Variants in CECR2 observed in about 807,000 individuals in gnomAD.
The protein encoded by CECR2 is CECR2 histone acetyl-lysine reader, also known as chromatin remodeling regulator CECR2.
Under a neutral mutation model 154.5 loss-of-function variants are expected in CECR2, and 30 were observed. That is an observed-to-expected ratio of 0.19 (90% CI 0.15 to 0.26). The LOEUF is 0.26. Among genes scored for constraint, CECR2 ranks in the 10% least tolerant of loss-of-function variants. CECR2 has a pLI of 1.00. For missense variants in CECR2, 1,743 were observed against 1,829.3 expected (o/e 0.95, Z 0.86); for synonymous variants, 725 against 683.7 (o/e 1.06, Z -0.94).
chr22:17,379,722 T>A (rs1380438520), intron 1 of CECR2, among the ~76,000 whole-genome samples: 1 of 152,258 alleles, frequency 6.6e-6, no homozygotes, highest in African/African-American at 2.4e-5. Context: ...AAATGTTTTT[T>A]AATGATTTTT....
At chr22:17,383,675 T>G (rs1383470067) in intron 1 of CECR2, among the ~76,000 whole-genome samples, 1 of 148,692 alleles carries the variant, frequency 6.7e-6, no homozygotes, top group Non-Finnish European at 1.5e-5. Flanking sequence ...TTTTTTTTTT[T>G]TTTTGAAGTG....
chr22:17,382,945 T>G (rs2063216064), intron 1 of CECR2, among the ~76,000 whole-genome samples: 2 of 145,544 alleles, frequency 1.4e-5, no homozygotes, highest in Admixed American at 6.8e-5. Context: ...TCCTAGTGAT[T>G]GGCCAGGCGC....
Position 17,524,308 on chromosome 22 carries a change from G to A in CECR2, c.1108+37G>A, listed in dbSNP as rs770194958. The A allele has an allele frequency of 1.4e-5, 23 of 1,589,484 alleles. No individual in the cohort carries two copies. In the Admixed American group the frequency reaches 3.8e-4, roughly 27 times the overall value. ...GTCCGCGTGGTCTGGAGAGGTGCAT[G>A]TCTGTCGACCAGCCGTCCTGTAGCC... On this transcript the variant is annotated intron_variant, in intron 9 of 18. Transcript: ENST00000262608.
In CECR2 at chr22:17,383,679, T is replaced by TTTG. The variant is rs1162930144; in HGVS notation, c.126+13770_126+13771insTTG. Among the ~76,000 whole-genome samples the TTTG allele has an allele frequency of 3.3e-3, 490 of 147,640 alleles. 3 individuals carry two copies. Among genetic ancestry groups the TTTG allele is most frequent in the African/African-American group, 0.012 (476 of 39,754 alleles). ...CCACTTTTTTTTTTTTTTTTTTTTT[T>TTTG]GAAGTGGAGTCTTGCTCTATTGCCC... On this transcript the variant is annotated intron_variant, in intron 1 of 18. Coordinates refer to ENST00000262608, the MANE Select transcript of CECR2 (RefSeq NM_001290047.2).
intron 1 of CECR2, among the ~76,000 whole-genome samples, chr22:17,423,490 G>A (rs918756865): frequency 7.0e-6 from 1 of 141,926 alleles, no homozygotes; most frequent in African/African-American, 2.9e-5. Flanking sequence ...CTGGGCGACT[G>A]AGCGAGACTC....
chr22:17,439,715 C>G lies in CECR2; in HGVS notation c.127-37873C>G, dbSNP rs375144991. Among the ~76,000 whole-genome samples the G allele has an allele frequency of 3.9e-5, 6 of 152,288 alleles. 2 individuals are homozygous for G. On this transcript the variant is annotated intron_variant, in intron 1 of 18. Transcript: ENST00000262608. Reference sequence around the variant, plus strand: ...TAAAATACATAAATATATGTACTCTCATTGCTCCAGTAATGCCAGTCCTGG... The same window carrying G: ...TAAAATACATAAATATATGTACTCTGATTGCTCCAGTAATGCCAGTCCTGG...
chr22:17,401,868 G>A (rs2053899132), intron 1 of CECR2, among the ~76,000 whole-genome samples: 1 of 147,254 alleles, frequency 6.8e-6, no homozygotes, highest in Admixed American at 7.1e-5. Context: ...AACAGATGGG[G>A]TCTCACTGTG....
chr22:17,491,565 T>C (rs2055529555), intron 2 of CECR2, among the ~76,000 whole-genome samples: 1 of 107,214 alleles, frequency 9.3e-6, no homozygotes, highest in South Asian at 3.0e-4. Flanking sequence ...TGGCTTCTTA[T>C]TCTGTGTGTG....
chr22:17,484,954 C>G (rs1461818385), intron 2 of CECR2, among the ~76,000 whole-genome samples: 3 of 152,230 alleles, frequency 2.0e-5, no homozygotes, highest in African/African-American at 7.2e-5. Context: ...AGCTAGTTAA[C>G]TATTCCAGTT....
chr22:17,442,710 G>GGCT (rs1199191958), intron 1 of CECR2, among the ~76,000 whole-genome samples: 1 of 152,096 alleles, frequency 6.6e-6, no homozygotes, highest in African/African-American at 2.4e-5. Flanking sequence ...ACCACCGCCT[G>GGCT]GCTAATTTTT....
intron 1 of CECR2, chr22:17,424,459 CA>C (rs1302296172): frequency 1.9e-5 from 3 of 160,688 alleles, no homozygotes; most frequent in Non-Finnish European, 4.2e-5. Flanking sequence ...CAGACCCTGG[CA>C]GCAGTCGATG....
chr22:17,532,000 C>T (rs143134900), intron 9 of CECR2, among the ~76,000 whole-genome samples: 340 of 152,176 alleles, frequency 2.2e-3, no homozygotes, highest in Admixed American at 6.0e-3. Flanking sequence ...GAGGCCCCAT[C>T]TCTACAGAAA....
chr22:17,500,055 C>G (rs890102528), intron 4 of CECR2, among the ~76,000 whole-genome samples: 1 of 151,766 alleles, frequency 6.6e-6, no homozygotes, highest in Non-Finnish European at 1.5e-5. Flanking sequence ...ACTAAAAATA[C>G]AAAAAATTAG....
intron 1 of CECR2, among the ~76,000 whole-genome samples, chr22:17,406,824 C>G (rs1195774642): frequency 6.6e-6 from 1 of 152,158 alleles, no homozygotes; most frequent in Non-Finnish European, 1.5e-5. Context: ...TTAATAATTA[C>G]ATGAAGTTGC....
chr22:17,425,747 T>A (rs1252129770), intron 1 of CECR2, among the ~76,000 whole-genome samples: 1 of 152,102 alleles, frequency 6.6e-6, no homozygotes, highest in Non-Finnish European at 1.5e-5. Flanking sequence ...AAGGGTCTAA[T>A]CTAGAGATAA....
intron 16 of CECR2, among the ~76,000 whole-genome samples, chr22:17,547,819 C>T (rs186086080): frequency 9.9e-5 from 15 of 152,236 alleles, no homozygotes; most frequent in East Asian, 7.7e-4. Context: ...GTGTGTTTCA[C>T]GTGCATCTGC....
intron 1 of CECR2, among the ~76,000 whole-genome samples, chr22:17,470,643 A>G (rs1267211548): frequency 6.6e-6 from 1 of 151,298 alleles, no homozygotes; most frequent in Admixed American, 6.6e-5. Context: ...AAACTTAACT[A>G]AAATTTTCCT....
chr22:17,391,953 C>T (rs1484394843), intron 1 of CECR2, among the ~76,000 whole-genome samples: 1 of 152,100 alleles, frequency 6.6e-6, no homozygotes, highest in Non-Finnish European at 1.5e-5. Context: ...AGGCATGCGC[C>T]ACCACACCCA....
Position 17,542,931 on chromosome 22 carries a change from C to T in CECR2, c.2788C>T (p.Pro930Ser). Residue 930 changes from proline to serine, a missense_variant, in exon 16 of 19, where the codon CCC (proline) becomes TCC (serine). Pro to Ser is a moderately conservative substitution (Grantham distance 74). Transcript: ENST00000262608. ...AHPMSVTVSAPKPALGNPGRA... is the reference protein window; with the variant it reads ...AHPMSVTVSASKPALGNPGRA... ...CCCAATGTCAGTCACTGTGTCAGCC[C>T]CCAAGCCTGCCCTGGGCAACCCTGG... 1.9e-6 allele frequency: 3 copies of T among 1,613,948 alleles called. No individual in the cohort carries two copies. Among genetic ancestry groups the T allele is most frequent in the Non-Finnish European group, 2.5e-6 (3 of 1,179,862 alleles).
Sources: allele counts gnomAD v4.1 joint callset (sites outside exome capture counted in the v4.1 genomes callset), GRCh38; gene constraint gnomAD v4.1.1; transcripts MANE v1.5; gene names NCBI Gene and HGNC (gene_info 2026-07-23, HGNC 2026-07-21).